KCNN2: variants seen among roughly 807,000 people sequenced by gnomAD.
KCNN2 encodes the protein potassium calcium-activated channel subfamily N member 2, also known as small conductance calcium-activated potassium channel protein 2.
Under a neutral mutation model 55.5 loss-of-function variants are expected in KCNN2, and 24 were observed. That is an observed-to-expected ratio of 0.43 (90% confidence interval 0.31 to 0.61). KCNN2 has a LOEUF of 0.61. Among genes scored for constraint, KCNN2 ranks in the 20% least tolerant of loss-of-function variants. KCNN2 has a pLI of 0.08. For synonymous variants in KCNN2, 431 were observed against 336.1 expected (o/e 1.28, Z -3.09); for missense variants, 754 against 853.6 (o/e 0.88, Z 1.45).
intron 2 of KCNN2, among the ~76,000 whole-genome samples, chr5:114,334,741 TTTAA>T: frequency 6.6e-6 from 1 of 152,274 alleles, no homozygotes. Context: ...ATACTATGTA[TTTAA>T]TTGTTTTCAT....
chr5:114,058,649 T>A (rs1437406799), intron 1 of KCNN2, among the ~76,000 whole-genome samples: 1 of 152,096 alleles, frequency 6.6e-6, no homozygotes, highest in African/African-American at 2.4e-5. Flanking sequence ...AAGTTTGATG[T>A]TTTTAAGGAA....
chr5:114,158,225 T>C (rs1387139683), intron 1 of KCNN2, among the ~76,000 whole-genome samples: 1 of 152,248 alleles, frequency 6.6e-6, no homozygotes, highest in Non-Finnish European at 1.5e-5. Context: ...TACATATGAC[T>C]AGCCAGTTTT....
intron 3 of KCNN2, among the ~76,000 whole-genome samples, chr5:114,437,681 A>G (rs559944774): frequency 1.3e-5 from 2 of 152,308 alleles, no homozygotes; most frequent in Admixed American, 6.5e-5. Context: ...GTGATCACAT[A>G]ACATACTATA....
chr5:114,473,453 A>G (rs1761839512), intron 5 of KCNN2, among the ~76,000 whole-genome samples: 1 of 152,172 alleles, frequency 6.6e-6, no homozygotes, highest in Admixed American at 6.5e-5. Context: ...CAATTCTTGG[A>G]TTGAGTAGGA....
At chr5:114,280,620 G>T (rs1755604608) in intron 2 of KCNN2, among the ~76,000 whole-genome samples, 1 of 152,096 alleles carries the variant, frequency 6.6e-6, no homozygotes, top group South Asian at 2.1e-4. Context: ...TAGATGTGTG[G>T]TATCATTTCT....
At chr5:114,272,409 ATAT>A (rs1755366545) in intron 2 of KCNN2, among the ~76,000 whole-genome samples, 2 of 16,950 alleles carry the variant, frequency 1.2e-4, no homozygotes, top group Admixed American at 2.7e-3. Flanking sequence ...ATGTATGTAC[ATAT>A]CTACACACAT....
At chr5:114,377,151 G>A (rs1757969668) in intron 2 of KCNN2, among the ~76,000 whole-genome samples, 2 of 152,144 alleles carry the variant, frequency 1.3e-5, no homozygotes, top group African/African-American at 4.8e-5. Context: ...CTTTTGAGGA[G>A]CAGCTCTTCC....
intron 1 of KCNN2, among the ~76,000 whole-genome samples, chr5:114,157,193 T>A (rs1009526462): frequency 6.0e-4 from 85 of 140,792 alleles, no homozygotes; most frequent in African/African-American, 2.1e-3. Context: ...GTGTGATGTT[T>A]CCCTTCCTGT....
At chr5:114,292,944 T>C (rs1190146190) in intron 2 of KCNN2, among the ~76,000 whole-genome samples, 1 of 152,234 alleles carries the variant, frequency 6.6e-6, no homozygotes. Flanking sequence ...TTTTATTTTC[T>C]TTGAAGCAAT....
intron 1 of KCNN2, among the ~76,000 whole-genome samples, chr5:114,104,380 G>T (rs1751436397): frequency 6.6e-6 from 1 of 151,882 alleles, no homozygotes; most frequent in Non-Finnish European, 1.5e-5. Context: ...AAACCTCCTG[G>T]ATTCGTTCAT....
chr5:114,165,801 G>C (rs926291734), intron 1 of KCNN2, among the ~76,000 whole-genome samples: 1 of 152,080 alleles, frequency 6.6e-6, no homozygotes, highest in Non-Finnish European at 1.5e-5. Flanking sequence ...TATGGCATTG[G>C]TACGCCTTCT....
At chr5:114,111,315 T>C (rs933521304) in intron 1 of KCNN2, among the ~76,000 whole-genome samples, 3 of 152,146 alleles carry the variant, frequency 2.0e-5, no homozygotes, top group African/African-American at 7.2e-5. Flanking sequence ...CCTTACACCT[T>C]ATATAAAAAT....
intron 3 of KCNN2, among the ~76,000 whole-genome samples, chr5:114,411,476 G>A (rs1236412356): frequency 2.6e-5 from 4 of 152,096 alleles, no homozygotes; most frequent in African/African-American, 9.7e-5. Flanking sequence ...CTCAGTCCAA[G>A]TCTAAAAGCC....
At chr5:114,335,398 ATACT>A (rs968393909) in intron 2 of KCNN2, among the ~76,000 whole-genome samples, 4 of 152,288 alleles carry the variant, frequency 2.6e-5, no homozygotes, top group South Asian at 2.1e-4. Flanking sequence ...ACGTAAAATA[ATACT>A]TACTCCTTTG....
At chr5:114,440,912 T>A (rs1435595900) in intron 3 of KCNN2, among the ~76,000 whole-genome samples, 4 of 94,854 alleles carry the variant, frequency 4.2e-5, no homozygotes, top group African/African-American at 2.9e-5. Flanking sequence ...TAAATGATAT[T>A]CTTTTTTTTA....
intron 3 of KCNN2, among the ~76,000 whole-genome samples, chr5:114,453,369 G>C (rs1008589099): frequency 6.6e-6 from 1 of 152,124 alleles, no homozygotes; most frequent in Non-Finnish European, 1.5e-5. Flanking sequence ...AACAAATAAT[G>C]TTAGAGGCAA....
At chr5:114,114,661 A>G in intron 1 of KCNN2, among the ~76,000 whole-genome samples, 1 of 152,256 alleles carries the variant, frequency 6.6e-6, no homozygotes, top group South Asian at 2.1e-4. Flanking sequence ...TTATTCTGGA[A>G]CTGGAAACTG....
intron 1 of KCNN2, among the ~76,000 whole-genome samples, chr5:114,105,908 A>C (rs1751473203): frequency 6.6e-6 from 1 of 151,926 alleles, no homozygotes; most frequent in Admixed American, 6.6e-5. Context: ...ACTTATTCTG[A>C]GATATTTCAT....
At chr5:114,367,825 T>G (rs1757646353) in intron 2 of KCNN2, among the ~76,000 whole-genome samples, 1 of 152,166 alleles carries the variant, frequency 6.6e-6, no homozygotes, top group African/African-American at 2.4e-5. Flanking sequence ...AGAGGTAATT[T>G]TAGATGAAAG....
Sources: allele counts gnomAD v4.1 joint callset (sites outside exome capture counted in the v4.1 genomes callset), GRCh38; gene constraint gnomAD v4.1.1; transcripts MANE v1.5; gene names NCBI Gene and HGNC (gene_info 2026-07-23, HGNC 2026-07-21).